CD40LG: variants seen among roughly 807,000 people sequenced by gnomAD.
CD40LG encodes CD40 ligand.
A neutral mutation model predicts 17.2 loss-of-function variants in CD40LG; 1 was observed. The ratio of observed to expected loss-of-function variants is 0.06; its 90% CI spans 0.02 to 0.28. CD40LG has a LOEUF of 0.28. Ranked by LOEUF, CD40LG falls within the 10% of genes least tolerant of loss-of-function variation. CD40LG has a pLI of 1.00. For missense variants in CD40LG, 133 were observed against 193.2 expected, an observed-to-expected ratio of 0.69 and a Z score of 1.85; for synonymous variants, 66 against 74.4, an observed-to-expected ratio of 0.89 and a Z score of 0.58.
chrX:136,652,259 C>CAAT (rs1230639094), intron 2 of CD40LG, among the ~76,000 whole-genome samples: 3 of 110,850 alleles, frequency 2.7e-5, no homozygotes, highest in Non-Finnish European at 5.7e-5. Context: ...ACAAAGTCCT[C>CAAT]CAGCTACCCA....
Position 136,659,400 on chromosome X carries a change from C to T in CD40LG, c.771C>T (p.Gly257=), listed in dbSNP as rs2076128213. ...VSHGTGFTSF[G]LLKL ...ATGGCACTGGCTTCACGTCCTTTGG[C>T]TTACTCAAACTCTGAACAGTGTCAC... The change falls in exon 5 of 5, where the codon GGC becomes GGT. Residue 257 remains glycine, a synonymous_variant. Transcript: ENST00000370629. 1.7e-6 allele frequency: 2 copies of T among 1,208,687 alleles called. No homozygotes were observed. The highest frequency in any genetic ancestry group is 3.5e-5 in the African/African-American group (2 of 57,261).
intron 1 of CD40LG, 23 bp from the exon 2 acceptor site, chrX:136,650,243 A>G (rs1208802162): frequency 8.8e-7 from 1 of 1,141,769 alleles, no homozygotes; most frequent in Admixed American, 2.2e-5. Flanking sequence ...GACATTTATC[A>G]TATCCTTGTT....
In CD40LG at chrX:136,659,560, C is replaced by A; in HGVS notation, c.*145C>A. The A allele has an allele frequency of 5.0e-6, 3 of 597,932 alleles. No homozygotes were observed. The allele number at this position is 597,932 out of a possible 1,213,427, so 49.3% of individuals were successfully genotyped here. The stretch of plus-strand genomic sequence containing the variant: ...GAACTATTTATTATACACTCCAAGG[C>A]ATGTAGAACTGTAATAAGTGAATTA... On this transcript the variant is annotated 3_prime_UTR_variant, in exon 5 of 5. Coordinates refer to ENST00000370629, the MANE Select transcript of CD40LG (RefSeq NM_000074.3).
At chrX:136,648,552 A>C in intron 1 of CD40LG, 148 bp downstream of exon 1, 1 of 571,230 alleles carries the variant, frequency 1.8e-6, no homozygotes, top group Non-Finnish European at 2.9e-6. Context: ...ATGAAGTCTC[A>C]TATTCTTGTC....
intron 4 of CD40LG, among the ~76,000 whole-genome samples, chrX:136,656,789 C>G (rs1196410967): frequency 9.0e-6 from 1 of 111,655 alleles, no homozygotes; most frequent in Non-Finnish European, 1.9e-5. Flanking sequence ...AAATGGGCCT[C>G]ATGGGGTATT....
At chrX:136,649,386 T>A (rs1380495581) in intron 1 of CD40LG, among the ~76,000 whole-genome samples, 2 of 112,244 alleles carry the variant, frequency 1.8e-5, no homozygotes, top group African/African-American at 6.5e-5. Context: ...GCTGAAGTCA[T>A]CCACTGGGTT....
At chrX:136,657,516 T>G (rs1223512000) in intron 4 of CD40LG, among the ~76,000 whole-genome samples, 2 of 111,585 alleles carry the variant, frequency 1.8e-5, no homozygotes, top group Non-Finnish European at 3.8e-5. Flanking sequence ...TGCTGTCGAG[T>G]GCTGTACAAC....
chrX:136,657,133 G>A (rs975193338), intron 4 of CD40LG, among the ~76,000 whole-genome samples: 1 of 111,797 alleles, frequency 8.9e-6, no homozygotes, highest in Non-Finnish European at 1.9e-5. Flanking sequence ...GAGCGTCAGA[G>A]GAGTCTTTGA....
intron 2 of CD40LG, among the ~76,000 whole-genome samples, chrX:136,652,282 T>C (rs1254281449): frequency 1.8e-5 from 2 of 111,192 alleles, no homozygotes; most frequent in East Asian, 2.8e-4. Context: ...CCTCCCCCAA[T>C]GACGGATCCC....
chrX:136,654,213 C>T (rs2076112558), intron 2 of CD40LG, among the ~76,000 whole-genome samples, 160 bp from the exon 3 acceptor site: 1 of 111,403 alleles, frequency 9.0e-6, no homozygotes, highest in Non-Finnish European at 1.9e-5. Context: ...CATGGACTCC[C>T]AATTGGCATG....
intron 3 of CD40LG, among the ~76,000 whole-genome samples, chrX:136,655,673 T>C (rs907018496): frequency 4.7e-4 from 53 of 112,380 alleles, no homozygotes; most frequent in African/African-American, 1.7e-3. Context: ...ATATGTTGAG[T>C]AATAGTACCA....
At chrX:136,657,404 G>C (rs2059531767) in intron 4 of CD40LG, among the ~76,000 whole-genome samples, 1 of 111,297 alleles carries the variant, frequency 9.0e-6, no homozygotes, top group Non-Finnish European at 1.9e-5. Context: ...CTGCTTGCTG[G>C]GTGACCTTGA....
intron 1 of CD40LG, 56 bp downstream of exon 1, chrX:136,648,460 G>C: frequency 2.8e-6 from 3 of 1,075,659 alleles, no homozygotes; most frequent in Non-Finnish European, 3.9e-6. Context: ...CTAATTCATA[G>C]GTTGGTTCTA....
chrX:136,653,760 T>C (rs949824504), intron 2 of CD40LG, among the ~76,000 whole-genome samples: 10 of 112,417 alleles, frequency 8.9e-5, no homozygotes, highest in Admixed American at 2.8e-4. Flanking sequence ...ATCAACACCA[T>C]TGGGAGATGG....
At chrX:136,652,359 A>G (rs758887023) in intron 2 of CD40LG, among the ~76,000 whole-genome samples, 4 of 112,237 alleles carry the variant, frequency 3.6e-5, no homozygotes, top group South Asian at 3.7e-4. Context: ...AAAAAACTCA[A>G]TAGGACAATT....
At chrX:136,649,154 G>A (rs1185808802) in intron 1 of CD40LG, among the ~76,000 whole-genome samples, 1 of 112,323 alleles carries the variant, frequency 8.9e-6, no homozygotes, top group African/African-American at 3.2e-5. Context: ...CTTCCACTGA[G>A]GAGTATAATT....
chrX:136,653,049 C>G (rs1412629412), intron 2 of CD40LG, among the ~76,000 whole-genome samples: 2 of 112,037 alleles, frequency 1.8e-5, no homozygotes, highest in African/African-American at 6.5e-5. Flanking sequence ...ATGTTTTCAT[C>G]TTGGCCAGGC....
rs1603321954 is a variant in CD40LG at position 136,659,775 on chromosome X, T to C, written c.*360T>C. ...TTTCTTTGCGTGCAGTGTCTTTCCA[T>C]GGATAATGCATTTGATTTATCAGTG... On this transcript the variant is annotated 3_prime_UTR_variant, in exon 5 of 5. Transcript: ENST00000370629. The C allele has an allele frequency of 9.6e-6, 2 of 209,312 alleles. No homozygotes were observed. Among genetic ancestry groups the C allele is most frequent in the East Asian group, 1.0e-4 (1 of 9,562 alleles). The allele number at this position is 209,312 out of a possible 1,213,427, so 17.2% of individuals were successfully genotyped here.
chrX:136,656,344 G>A lies in CD40LG; in HGVS notation c.347-12G>A. ...CATTATTTTAGCCTGACAGTTTTTG[G>A]TTCCATTTCAGGTGATCAGAATCCT... On this transcript the variant is annotated splice_polypyrimidine_tract_variant and intron_variant, in intron 3 of 4. Coordinates refer to ENST00000370629, the MANE Select transcript of CD40LG (RefSeq NM_000074.3). 3 of 1,203,755 alleles carry A rather than the reference G, an allele frequency of 2.5e-6. No homozygotes were observed. Among genetic ancestry groups the A allele is most frequent in the Non-Finnish European group, 3.4e-6 (3 of 888,267 alleles).
Sources: allele counts gnomAD v4.1 joint callset (sites outside exome capture counted in the v4.1 genomes callset), GRCh38; gene constraint gnomAD v4.1.1; transcripts MANE v1.5; gene names NCBI Gene and HGNC (gene_info 2026-07-23, HGNC 2026-07-21).